EHBP1: variants seen among roughly 807,000 people sequenced by gnomAD.
EHBP1 encodes EH domain-binding protein 1.
Under a neutral mutation model 144.0 loss-of-function variants are expected in EHBP1, and 55 were observed. The observed-to-expected ratio is 0.38, with a 90% CI of 0.31 to 0.48. The LOEUF (loss-of-function observed/expected upper bound fraction) is 0.48, where lower values mean the gene tolerates loss of function less well. Among genes scored for constraint, EHBP1 ranks in the 20% least tolerant of loss-of-function variants. The pLI, the probability that EHBP1 is intolerant of heterozygous loss-of-function variation, is 0.98. For synonymous variants in EHBP1, 469 were observed against 472.7 expected (o/e 0.99, Z 0.10); for missense variants, 1,200 against 1,364.2 (o/e 0.88, Z 1.90).
intron 19 of EHBP1, among the ~76,000 whole-genome samples, chr2:63,013,452 G>A (rs754238676): frequency 4.6e-5 from 7 of 152,274 alleles, no homozygotes; most frequent in Non-Finnish European, 8.8e-5. Context: ...AGGGCTGAAT[G>A]TGCAGGAAAG....
intron 2 of EHBP1, among the ~76,000 whole-genome samples, chr2:62,721,476 G>A (rs974693902): frequency 1.3e-5 from 2 of 152,164 alleles, no homozygotes; most frequent in Non-Finnish European, 2.9e-5. Flanking sequence ...TCTCAGGGAG[G>A]AGAATTAAGT....
intron 10 of EHBP1, among the ~76,000 whole-genome samples, chr2:62,941,993 T>C (rs1265959030): frequency 6.6e-6 from 1 of 152,068 alleles, no homozygotes; most frequent in African/African-American, 2.4e-5. Context: ...TTTAAGTATA[T>C]GAACAAGGGT....
intron 5 of EHBP1, among the ~76,000 whole-genome samples, chr2:62,807,868 G>C (rs560183528): frequency 6.6e-6 from 1 of 152,154 alleles, no homozygotes; most frequent in South Asian, 2.1e-4. Context: ...TGAGAAGTGG[G>C]AAGTAATTAC....
chr2:63,031,825 A>T (rs2061260519), intron 19 of EHBP1, among the ~76,000 whole-genome samples: 1 of 152,108 alleles, frequency 6.6e-6, no homozygotes, highest in African/African-American at 2.4e-5. Flanking sequence ...GCAACACGAG[A>T]GGCTGAGGCC....
intron 2 of EHBP1, among the ~76,000 whole-genome samples, chr2:62,725,684 G>A (rs565662517): frequency 2.6e-5 from 4 of 152,334 alleles, no homozygotes; most frequent in African/African-American, 9.6e-5. Flanking sequence ...GAGGATGGGG[G>A]ATGGACTGCA....
chr2:62,800,201 G>A (rs1391423154), intron 5 of EHBP1, among the ~76,000 whole-genome samples: 6 of 152,048 alleles, frequency 3.9e-5, no homozygotes, highest in African/African-American at 1.4e-4. Flanking sequence ...AATGTGATGT[G>A]TTAACCCTAA....
intron 5 of EHBP1, among the ~76,000 whole-genome samples, chr2:62,795,186 G>A: frequency 6.6e-6 from 1 of 151,928 alleles, no homozygotes; most frequent in East Asian, 1.9e-4. Flanking sequence ...ACAGGCACAT[G>A]GTAACAAATC....
intron 10 of EHBP1, among the ~76,000 whole-genome samples, chr2:62,878,508 A>G (rs1252844083): frequency 6.6e-6 from 1 of 152,210 alleles, no homozygotes; most frequent in African/African-American, 2.4e-5. Flanking sequence ...CAAAGACACA[A>G]CAAAAAAGGA....
At chr2:62,942,431 A>G (rs549450171) in intron 10 of EHBP1, among the ~76,000 whole-genome samples, 1 of 152,360 alleles carries the variant, frequency 6.6e-6, no homozygotes, top group Admixed American at 6.5e-5. Flanking sequence ...TAAGTATTTC[A>G]AAACTTTAAC....
At chr2:62,855,389 C>T (rs1481173657) in intron 7 of EHBP1, among the ~76,000 whole-genome samples, 1 of 152,138 alleles carries the variant, frequency 6.6e-6, no homozygotes, top group Non-Finnish European at 1.5e-5. Flanking sequence ...CAGCTCCATG[C>T]TGGCCTGCAG....
chr2:62,695,015 G>T (rs1284101190), intron 1 of EHBP1, among the ~76,000 whole-genome samples: 8 of 152,116 alleles, frequency 5.3e-5, no homozygotes. Context: ...TGAGGAAAAC[G>T]CCCAGCAGAA....
intron 14 of EHBP1, among the ~76,000 whole-genome samples, chr2:62,960,590 A>G (rs1174671983): frequency 2.0e-5 from 3 of 152,148 alleles, no homozygotes; most frequent in Non-Finnish European, 4.4e-5. Flanking sequence ...TTGTATCCCC[A>G]GCACCAAGTA....
chr2:62,969,523 ATTTT>A (rs1481387188), intron 14 of EHBP1, among the ~76,000 whole-genome samples: 1 of 152,158 alleles, frequency 6.6e-6, no homozygotes, highest in African/African-American at 2.4e-5. Context: ...AAATGTGTCT[ATTTT>A]TTCTGAATTA....
intron 2 of EHBP1, chr2:62,726,775 C>A (rs62177751): frequency 6.6e-6 from 1 of 151,912 alleles, no homozygotes; most frequent in Admixed American, 6.5e-5. Flanking sequence ...TAGATAGATT[C>A]GTTTGTATTT....
intron 10 of EHBP1, among the ~76,000 whole-genome samples, chr2:62,892,113 T>C (rs1357327070): frequency 3.9e-5 from 6 of 152,192 alleles, no homozygotes; most frequent in African/African-American, 1.4e-4. Context: ...ACATCATAAT[T>C]GTTTATCTGC....
intron 10 of EHBP1, among the ~76,000 whole-genome samples, chr2:62,933,635 A>G (rs2056168891): frequency 6.6e-6 from 1 of 152,210 alleles, no homozygotes; most frequent in South Asian, 2.1e-4. Context: ...AACATTTGTT[A>G]ATATAACCAC....
At chr2:62,864,622 C>T (rs1274767058) in intron 8 of EHBP1, 109 bp from the exon 9 acceptor site, 4 of 1,047,010 alleles carry the variant, frequency 3.8e-6, no homozygotes, top group East Asian at 2.5e-5. Context: ...CTTTCTCAGC[C>T]CCATAGAGCT....
chr2:62,947,954 C>G (rs2057158775), intron 12 of EHBP1, among the ~76,000 whole-genome samples: 1 of 152,044 alleles, frequency 6.6e-6, no homozygotes, highest in Admixed American at 6.6e-5. Context: ...ATGGATTAGT[C>G]TAATGTTTCT....
At chr2:63,032,137 TGAC>T (rs954705402) in intron 19 of EHBP1, among the ~76,000 whole-genome samples, 2 of 151,274 alleles carry the variant, frequency 1.3e-5, no homozygotes, top group African/African-American at 4.9e-5. Context: ...CTAATGTAAA[TGAC>T]GAGTTAACGG....
Sources: allele counts gnomAD v4.1 joint callset (sites outside exome capture counted in the v4.1 genomes callset), GRCh38; gene constraint gnomAD v4.1.1; transcripts MANE v1.5; gene names NCBI Gene and HGNC (gene_info 2026-07-23, HGNC 2026-07-21).